PTPRJ: variants seen among roughly 807,000 people sequenced by gnomAD.
PTPRJ encodes receptor-type tyrosine-protein phosphatase eta.
Under a neutral mutation model 141.3 loss-of-function variants are expected in PTPRJ, and 129 were observed. The observed-to-expected ratio is 0.91, with a 90% CI of 0.79 to 1.06. PTPRJ has a LOEUF of 1.06. Among genes scored for constraint, PTPRJ ranks in the 50% least tolerant of loss-of-function variants. The probability of loss-of-function intolerance (pLI) is 0.00; values close to 1 mark genes in which losing one functional copy is unlikely to be tolerated. For synonymous variants in PTPRJ, 610 were observed against 640.5 expected (o/e 0.95, Z 0.72); for missense variants, 1,601 against 1,679.7 (o/e 0.95, Z 0.82).
chr11:48,105,377 G>C (rs994010454), intron 1 of PTPRJ, among the ~76,000 whole-genome samples: 8 of 152,194 alleles, frequency 5.3e-5, no homozygotes, highest in African/African-American at 1.9e-4. Context: ...ACAACAGCAT[G>C]GACGGAGAGG....
chr11:48,089,208 A>G (rs1312209151), intron 1 of PTPRJ, among the ~76,000 whole-genome samples: 1 of 152,234 alleles, frequency 6.6e-6, no homozygotes, highest in Non-Finnish European at 1.5e-5. Context: ...AATCATGACA[A>G]GCCCAGAAAC....
chr11:48,090,616 C>T (rs1428514147), intron 1 of PTPRJ, among the ~76,000 whole-genome samples: 3 of 152,204 alleles, frequency 2.0e-5, no homozygotes, highest in African/African-American at 7.2e-5. Context: ...TTTTTAGACC[C>T]AGCATACCTC....
Position 47,981,009 on chromosome 11 carries a change from G to A in PTPRJ, c.96+1G>A. On this transcript the variant is annotated splice_donor_variant, in intron 1 of 24. Transcript: ENST00000418331. LOFTEE classifies it high-confidence loss of function. The stretch of plus-strand genomic sequence containing the variant: ...GCTGCTGCTGCTGCGCCTGGGCCAG[G>A]TAAGCGCCGGGTGGGCTCGGGCGGG... 1 of 806,188 alleles carries A rather than the reference G, an allele frequency of 1.2e-6. No homozygotes were observed. The highest frequency in any genetic ancestry group is 1.6e-6 in the Non-Finnish European group (1 of 624,024). 49.9% of individuals were successfully genotyped at this position (806,188 alleles called of 1,614,324 possible).
Position 48,124,984 on chromosome 11 carries a change from G to T in PTPRJ, c.891G>T (p.Glu297Asp), listed in dbSNP as rs771684510. 20 of 1,613,972 alleles carry T rather than the reference G, an allele frequency of 1.2e-5. No homozygotes were observed. The highest frequency in any genetic ancestry group is 1.7e-5 in the Non-Finnish European group (20 of 1,179,986). ...TTGAAACAGATGCCAGCAATACAGA[G>T]AGAAGCCGGGCAGGGAGCCCCACCG... ...TEGGLDASNT[E>D]RSRAGSPTAP... Residue 297 changes from glutamate to aspartate, a missense_variant, in exon 6 of 25, where the codon GAG becomes GAT. Glu to Asp is a conservative substitution (Grantham distance 45). Coordinates refer to ENST00000418331, the MANE Select transcript of PTPRJ (RefSeq NM_002843.4).
chr11:47,984,746 A>G (rs889206285), intron 1 of PTPRJ, among the ~76,000 whole-genome samples: 18 of 151,676 alleles, frequency 1.2e-4, no homozygotes, highest in African/African-American at 3.9e-4. Flanking sequence ...TTTAGTAGAG[A>G]TGGGGTTTCA....
chr11:48,137,302 C>T (rs373985974), intron 10 of PTPRJ, 21 bp downstream of exon 10: 3 of 1,604,888 alleles, frequency 1.9e-6, no homozygotes, highest in Non-Finnish European at 2.6e-6. Flanking sequence ...CCCCAACTGC[C>T]TCTTGGACTC....
Position 48,127,934 on chromosome 11 carries a change from G to GCC in PTPRJ, c.1249_1250dup (p.Arg418LeufsTer22). On this transcript the variant is annotated frameshift_variant, in exon 7 of 25. Transcript: ENST00000418331. LOFTEE classifies it high-confidence loss of function. ...ATTCTTCCAATCTCAACGTCAGTGA[G>GCC]CCTCGCGCTGTCATCCCCGGACTCC... 6.2e-7 allele frequency: 1 copy of GCC among 1,614,172 alleles called. No homozygotes were observed.
At chr11:48,059,000 C>T (rs753380962) in intron 1 of PTPRJ, among the ~76,000 whole-genome samples, 5 of 151,788 alleles carry the variant, frequency 3.3e-5, no homozygotes, top group Non-Finnish European at 7.4e-5. Flanking sequence ...CCAGGCACAA[C>T]GTGGGGCTCT....
intron 1 of PTPRJ, among the ~76,000 whole-genome samples, chr11:48,073,796 C>T (rs530068292): frequency 4.6e-5 from 7 of 152,190 alleles, no homozygotes; most frequent in Admixed American, 4.6e-4. Flanking sequence ...AGTAAACCCA[C>T]GTAGCTGAAA....
chr11:48,116,634 G>T (rs1207759631), intron 3 of PTPRJ, among the ~76,000 whole-genome samples: 2 of 152,176 alleles, frequency 1.3e-5, no homozygotes, highest in Non-Finnish European at 2.9e-5. Context: ...CTTTTCAACT[G>T]CACCTGGAAC....
intron 3 of PTPRJ, among the ~76,000 whole-genome samples, chr11:48,119,595 C>T (rs1372547484): frequency 6.6e-6 from 1 of 152,104 alleles, no homozygotes; most frequent in Non-Finnish European, 1.5e-5. Flanking sequence ...GACGGGGTTT[C>T]ACCATGTTGG....
intron 14 of PTPRJ, 130 bp downstream of exon 14, chr11:48,145,254 G>GA: frequency 7.6e-7 from 1 of 1,324,346 alleles, no homozygotes; most frequent in Non-Finnish European, 1.0e-6. Flanking sequence ...TCCCCTCCCA[G>GA]AGGTTGAGAT....
chr11:48,062,991 T>A (rs1362275239), intron 1 of PTPRJ, among the ~76,000 whole-genome samples: 1 of 152,176 alleles, frequency 6.6e-6, no homozygotes, highest in Admixed American at 6.5e-5. Flanking sequence ...ATCTTAGATG[T>A]CCATTTAGTT....
intron 8 of PTPRJ, chr11:48,132,488 A>G: frequency 2.0e-6 from 2 of 984,048 alleles, no homozygotes; most frequent in Non-Finnish European, 2.4e-6. Flanking sequence ...TTTTGAAATA[A>G]TTGTTTTTTG....
intron 1 of PTPRJ, among the ~76,000 whole-genome samples, chr11:48,036,329 T>C (rs1854122517): frequency 6.6e-6 from 1 of 152,216 alleles, no homozygotes; most frequent in Admixed American, 6.5e-5. Flanking sequence ...GCCATTGACT[T>C]CTCAGCTTTG....
At position 48,125,168 on chromosome 11, in the gene PTPRJ, G is replaced by C. The variant is rs1394726726; in HGVS notation, c.1075G>C (p.Ala359Pro). The C allele has an allele frequency of 1.1e-5, 18 of 1,614,014 alleles. No individual in the cohort carries two copies. Among genetic ancestry groups the C allele is most frequent in the Middle Eastern group, 1.6e-4 (1 of 6,084 alleles). ...GAATGGCACAGAAGGACAGCCCCAGGCCATAGAGTTCAGGACAAGTAGGTT... is the reference window on the plus strand; with the variant it reads ...GAATGGCACAGAAGGACAGCCCCAGCCCATAGAGTTCAGGACAAGTAGGTT... ...AANGTEGQPQ[A>P]IEFRTNAIQV... The change falls in exon 6 of 25, where the codon GCC becomes CCC. Residue 359 changes from alanine (A) to proline (P), a missense_variant. Physicochemically the swap from Ala to Pro is conservative, Grantham distance 27 (BLOSUM62 -1). Transcript: ENST00000418331.
chr11:48,093,505 A>G (rs951448548), intron 1 of PTPRJ, among the ~76,000 whole-genome samples: 4 of 152,174 alleles, frequency 2.6e-5, no homozygotes, highest in Admixed American at 1.3e-4. Flanking sequence ...TTTAATGGAG[A>G]TGAATTGTTA....
chr11:48,133,326 T>C (rs1399227850), intron 8 of PTPRJ, among the ~76,000 whole-genome samples: 1 of 152,196 alleles, frequency 6.6e-6, no homozygotes, highest in African/African-American at 2.4e-5. Flanking sequence ...TCTCTTTTAC[T>C]ATAGTTTATT....
chr11:48,168,523 G>A lies in PTPRJ; in HGVS notation c.*1161G>A, dbSNP rs1241540518. 1 of 78,620 alleles carries A rather than the reference G, an allele frequency of 1.3e-5. No homozygotes were observed. Among genetic ancestry groups the A allele is most frequent in the Admixed American group, 1.8e-4 (1 of 5,514 alleles). 4.9% of individuals were successfully genotyped at this position (78,620 alleles called of 1,614,324 possible). On this transcript the variant is annotated 3_prime_UTR_variant, in exon 25 of 25. Transcript: ENST00000418331. Reference sequence around the variant, plus strand: ...TCTCTCTCTGCCGTGACACATATCGGAATCTACTGTGTATATATATATATA... The same window carrying A: ...TCTCTCTCTGCCGTGACACATATCGAAATCTACTGTGTATATATATATATA...
Sources: allele counts gnomAD v4.1 joint callset (sites outside exome capture counted in the v4.1 genomes callset), GRCh38; gene constraint gnomAD v4.1.1; transcripts MANE v1.5; gene names NCBI Gene and HGNC (gene_info 2026-07-23, HGNC 2026-07-21).